EBF3: variants seen among roughly 807,000 people sequenced by gnomAD.
The protein encoded by EBF3 is transcription factor COE3.
In EBF3, 18 loss-of-function variants were observed where a neutral mutation model predicts 77.1. The ratio of observed to expected loss-of-function variants is 0.23; its 90% CI spans 0.16 to 0.35. EBF3 has a LOEUF of 0.35. Ranked by LOEUF, EBF3 falls within the 10% of genes least tolerant of loss-of-function variation. EBF3 has a pLI of 1.00. For missense variants in EBF3, 558 were observed against 860.0 expected, an observed-to-expected ratio of 0.65 and a Z score of 4.39; for synonymous variants, 350 against 343.5, an observed-to-expected ratio of 1.02 and a Z score of -0.21.
chr10:129,950,027 A>G (rs890303343), intron 6 of EBF3, among the ~76,000 whole-genome samples: 1 of 11,474 alleles, frequency 8.7e-5, no homozygotes, highest in Non-Finnish European at 1.8e-4. Flanking sequence ...GGGAGGAGGG[A>G]GGAGGGAGGG....
intron 7 of EBF3, among the ~76,000 whole-genome samples, chr10:129,874,698 G>A (rs1271422549): frequency 6.6e-6 from 1 of 152,178 alleles, no homozygotes; most frequent in African/African-American, 2.4e-5. Context: ...ACCACCCGAG[G>A]GAACCACAGC....
At chr10:129,939,224 T>C (rs10764922) in intron 6 of EBF3, among the ~76,000 whole-genome samples, 124,333 of 152,138 alleles carry the variant, frequency 0.82, 51,328 homozygotes, top group East Asian at 0.95. Flanking sequence ...GGCAGTGGTG[T>C]CAGTGCTGGC....
At chr10:129,844,917 C>T (rs541101280) in intron 11 of EBF3, among the ~76,000 whole-genome samples, 4 of 152,278 alleles carry the variant, frequency 2.6e-5, no homozygotes, top group Admixed American at 1.3e-4. Context: ...CCTATCATAT[C>T]GCAAGACTTT....
At chr10:129,959,075 G>A (rs1319369606) in intron 4 of EBF3, 68 bp from the exon 5 acceptor site, 1 of 1,584,064 alleles carries the variant, frequency 6.3e-7, no homozygotes, top group South Asian at 1.1e-5. Context: ...ATCGCCCCGG[G>A]CGCTGCAGGC....
Position 129,963,759 on chromosome 10 carries a change from T to C in EBF3, c.10A>G (p.Ile4Val), listed in dbSNP as rs1372248713. The change falls in exon 1 of 17, where the codon ATT becomes GTT. Residue 4 changes from isoleucine to valine, a missense_variant. Around this residue, in one of 5 missense-constraint regions of EBF3, gnomAD observed 64 missense variants for 54.5 expected, o/e 1.18. Transcript: ENST00000440978. This position sits in a 1 kb window ranked among gnomAD's most constrained non-coding sequence, Gnocchi z 7.1. ...CCCCCGCGCGGAATATTCTCCTGAA[T>C]CCCAAACATGAAAACTGCTGGCGGC... MFG[I>V]QENIPRGGTT... The C allele has an allele frequency of 6.6e-7, 1 of 1,522,588 alleles. No individual in the cohort carries two copies. The highest frequency in any genetic ancestry group is 1.8e-5 in the Admixed American group (1 of 54,618). 94.3% of individuals were successfully genotyped at this position (1,522,588 alleles called of 1,614,324 possible). A position where few individuals can be genotyped will look rare whatever the true frequency, so the allele number is the denominator to read the frequency against.
intron 15 of EBF3, 103 bp downstream of exon 15, chr10:129,840,142 C>T (rs1849915045): frequency 1.4e-6 from 2 of 1,400,902 alleles, no homozygotes; most frequent in East Asian, 2.5e-5. Context: ...GAACATGCAG[C>T]AGTCACAGAG....
chr10:129,958,037 A>G (rs1859170559), intron 5 of EBF3, among the ~76,000 whole-genome samples: 1 of 152,268 alleles, frequency 6.6e-6, no homozygotes, highest in Non-Finnish European at 1.5e-5. Flanking sequence ...TAGAGCTTAA[A>G]TCACATCTGT....
Position 129,963,519 on chromosome 10 carries a change from C to A in EBF3, c.139G>T (p.Val47Leu), listed in dbSNP as rs1317544800. ...TCGAAGTGCGCCCGCGCCAGCCCCA[C>A]GCCGCTGCGGGAGGAAAGAGACAGC... Reference protein sequence around the residue: ...VDANTAAQSGVGLARAHFEKQ... With the variant: ...VDANTAAQSGLGLARAHFEKQ... Residue 47 changes from valine to leucine, a missense_variant, in exon 2 of 17, where the codon GTG becomes TTG. Physicochemically the swap from Val to Leu is conservative, Grantham distance 32. Around this residue, in one of 5 missense-constraint regions of EBF3, gnomAD observed 84 missense variants for 142.3 expected, o/e 0.59. Coordinates refer to ENST00000440978, the MANE Select transcript of EBF3 (RefSeq NM_001375380.1). The surrounding 1 kb of genome is among the most constrained non-coding windows in gnomAD (Gnocchi z 7.1). 6.5e-7 allele frequency: 1 copy of A among 1,543,286 alleles called. No individual in the cohort carries two copies. Among genetic ancestry groups the A allele is most frequent in the South Asian group, 1.2e-5 (1 of 84,906 alleles).
At chr10:129,851,075 G>A (rs1850846535) in intron 10 of EBF3, among the ~76,000 whole-genome samples, 1 of 152,244 alleles carries the variant, frequency 6.6e-6, no homozygotes, top group East Asian at 1.9e-4. Context: ...ATGAGGGGGA[G>A]AGATTGCCTG....
intron 7 of EBF3, among the ~76,000 whole-genome samples, chr10:129,874,528 G>A (rs1308645621): frequency 6.6e-6 from 1 of 152,160 alleles, no homozygotes; most frequent in East Asian, 1.9e-4. Flanking sequence ...TAACAGAGGT[G>A]GTGCATTCAT....
Position 129,848,262 on chromosome 10 carries a change from G to A in EBF3, c.1128+130C>T. 1.0e-5 allele frequency: 10 copies of A among 965,258 alleles called. No individual in the cohort carries two copies. The highest frequency in any genetic ancestry group is 2.7e-5 in the South Asian group (2 of 72,858). The allele number at this position is 965,258 out of a possible 1,614,324, so 59.8% of individuals were successfully genotyped here. On this transcript the variant is annotated intron_variant, in intron 11 of 16. Transcript: ENST00000440978. This position sits in a 1 kb window ranked among gnomAD's most constrained non-coding sequence, Gnocchi z 4.4. ...GCCCGGGCAGCTCCTCACACCTGTC[G>A]GCCCTGTGGTGGGCACAGAGTTTGG...
intron 6 of EBF3, among the ~76,000 whole-genome samples, chr10:129,948,844 G>C (rs903718181): frequency 2.0e-5 from 3 of 152,180 alleles, no homozygotes; most frequent in African/African-American, 7.2e-5. Flanking sequence ...CCCCCAGGCT[G>C]TTTGCATCTC....
At position 129,958,926 on chromosome 10, in the gene EBF3, C is replaced by T; in HGVS notation, c.485+8G>A. 2 of 1,588,560 alleles carry T rather than the reference C, an allele frequency of 1.3e-6. No individual in the cohort carries two copies. The highest frequency in any genetic ancestry group is 8.5e-7 in the Non-Finnish European group (1 of 1,169,762). On this transcript the variant is annotated splice_region_variant and intron_variant, in intron 5 of 16. Transcript: ENST00000440978. ...CCGCGCCCCCGCCGCCCGCCGCCCG[C>T]CGCTCACCTGCACATGATCTCGTGG...
chr10:129,869,423 T>C, intron 8 of EBF3, among the ~76,000 whole-genome samples: 1 of 141,326 alleles, frequency 7.1e-6, no homozygotes, highest in Non-Finnish European at 1.5e-5. Context: ...CTGGCTTTGC[T>C]CCCCCACGGC....
intron 6 of EBF3, among the ~76,000 whole-genome samples, chr10:129,902,423 C>T (rs1854856363): frequency 6.6e-6 from 1 of 151,906 alleles, no homozygotes; most frequent in Admixed American, 6.6e-5. Context: ...TTTCCATTTC[C>T]AATCCATGGC....
intron 8 of EBF3, among the ~76,000 whole-genome samples, chr10:129,872,791 G>A (rs1488437877): frequency 6.6e-6 from 1 of 152,218 alleles, no homozygotes; most frequent in Admixed American, 6.5e-5. Context: ...TGCCTGAGGG[G>A]CTCGGCGCAA....
rs185884383 is a variant in EBF3, at chr10:129,848,181, G to A, written c.1128+211C>T. Among the ~76,000 whole-genome samples, 14 of 152,292 alleles carry A rather than the reference G, an allele frequency of 9.2e-5. No homozygotes were observed. In the East Asian group the frequency reaches 1.4e-3, roughly 15 times the overall value. ...CCTTTGGAGATGAGATGTAAAACTC[G>A]AGCCGTCTACGCCTTCTCTCACCCT... On this transcript the variant is annotated intron_variant, in intron 11 of 16. Transcript: ENST00000440978. This position sits in a 1 kb window ranked among gnomAD's most constrained non-coding sequence, Gnocchi z 4.4.
In EBF3 at chr10:129,859,619, C is replaced by T. The variant is rs558001284; in HGVS notation, c.1039+7522G>A. 3.9e-5 allele frequency among the ~76,000 whole-genome samples: 6 copies of T among 152,358 alleles called. No homozygotes were observed. In the South Asian group the frequency reaches 1.2e-3, roughly 32 times the overall value. ...TTTTCTCAGGCTAGGCTTTTGTAAT[C>T]CAAGCCTCAGCCTAGAGCCAACGTG... is the stretch of plus-strand genomic sequence containing the variant. On this transcript the variant is annotated intron_variant, in intron 10 of 16. Transcript: ENST00000440978.
In EBF3 at chr10:129,841,042, T is replaced by TCCGC. The variant is rs71481016; in HGVS notation, c.1373-11_1373-10insGCGG. The TCCGC allele has an allele frequency of 5.7e-4, 867 of 1,510,196 alleles. 7 individuals are homozygous for TCCGC. The highest frequency in any genetic ancestry group is 7.0e-4 in the Non-Finnish European group (795 of 1,132,526). The allele number at this position is 1,510,196 out of a possible 1,614,324, so 93.5% of individuals were successfully genotyped here. A position where few individuals can be genotyped will look rare whatever the true frequency, so the allele number is the denominator to read the frequency against. On this transcript the variant is annotated splice_polypyrimidine_tract_variant and intron_variant, in intron 13 of 16. Transcript: ENST00000440978. This position sits in a 1 kb window ranked among gnomAD's most constrained non-coding sequence, Gnocchi z 4.6. ...TTGCGACTGTAGCCGACTGTTGAAA[T>TCCGC]CCCCCCCCCGGCCAAAAATAACATT...
Sources: allele counts gnomAD v4.1 joint callset (sites outside exome capture counted in the v4.1 genomes callset), GRCh38; gene constraint gnomAD v4.1.1; regional missense constraint gnomAD v4.1.1; non-coding constraint Gnocchi (gnomAD v3.1); transcripts MANE v1.5; gene names NCBI Gene and HGNC (gene_info 2026-07-23, HGNC 2026-07-21).